PEPD: variants seen among roughly 807,000 people sequenced by gnomAD.
PEPD encodes peptidase D.
A neutral mutation model predicts 60.7 loss-of-function variants in PEPD; 53 were observed. That is an observed-to-expected ratio of 0.87 (90% CI 0.70 to 1.10). The LOEUF (loss-of-function observed/expected upper bound fraction) is 1.10, where lower values mean the gene tolerates loss of function less well. Ranked by LOEUF, PEPD falls within the 50% of genes least tolerant of loss-of-function variation. PEPD has a pLI of 0.00. For synonymous variants in PEPD, 267 were observed against 284.1 expected, an observed-to-expected ratio of 0.94 and a Z score of 0.60; for missense variants, 711 against 711.9, an observed-to-expected ratio of 1.00 and a Z score of 0.01.
chr19:33,498,142 G>A lies in PEPD; in HGVS notation c.393+2796C>T, dbSNP rs1330242998. On this transcript the variant is annotated intron_variant, in intron 4 of 14. Coordinates refer to ENST00000244137, the MANE Select transcript of PEPD (RefSeq NM_000285.4). ...CCCACGTGGGCCGCCCCAGCATGAAGCGCTTGCTCTGCTGTCAACGTGAGC... is the reference window on the plus strand; with the variant it reads ...CCCACGTGGGCCGCCCCAGCATGAAACGCTTGCTCTGCTGTCAACGTGAGC... Among the ~76,000 whole-genome samples the A allele has an allele frequency of 5.9e-5, 9 of 152,226 alleles. No homozygotes were observed. In the East Asian group the frequency reaches 1.2e-3, roughly 20 times the overall value.
At chr19:33,424,996 AC>A (rs1036535447) in intron 9 of PEPD, among the ~76,000 whole-genome samples, 5 of 117,660 alleles carry the variant, frequency 4.2e-5, no homozygotes, top group African/African-American at 1.4e-4. Context: ...AAACAAAAAA[AC>A]AAACAACAAC....
intron 9 of PEPD, among the ~76,000 whole-genome samples, chr19:33,461,699 C>T (rs1307185755): frequency 6.6e-6 from 1 of 152,226 alleles, no homozygotes; most frequent in Non-Finnish European, 1.5e-5. Flanking sequence ...CTGGAGGAGC[C>T]CCACAACACA....
Position 33,387,207 on chromosome 19 carries a change from G to T in PEPD, c.*137C>A. The T allele has an allele frequency of 3.0e-6, 3 of 1,002,500 alleles. No individual in the cohort carries two copies. The highest frequency in any genetic ancestry group is 4.6e-6 in the Non-Finnish European group (3 of 653,230). 62.1% of individuals were successfully genotyped at this position (1,002,500 alleles called of 1,614,324 possible). On this transcript the variant is annotated 3_prime_UTR_variant, in exon 15 of 15. Coordinates refer to ENST00000244137, the MANE Select transcript of PEPD (RefSeq NM_000285.4). ...TCCTCCCCGGGAAACAGCACTGTTT[G>T]GTCTGATCAAATGCCGAAGCTGGGA...
In PEPD at chr19:33,414,033, G is replaced by A. The variant is rs1019106932; in HGVS notation, c.672-390C>T. ...ACATTTCTGCAGAGCTGGAGGAAGT[G>A]ATTCCCTGTGACTCCGTGCCCAGAG... On this transcript the variant is annotated intron_variant, in intron 9 of 14. Coordinates refer to ENST00000244137, the MANE Select transcript of PEPD (RefSeq NM_000285.4). Among the ~76,000 whole-genome samples, 48 of 152,212 alleles carry A rather than the reference G, an allele frequency of 3.2e-4. 1 individual carries two copies. Among genetic ancestry groups the A allele is most frequent in the African/African-American group, 1.1e-3 (46 of 41,458 alleles).
In PEPD at chr19:33,431,148, G is replaced by C. The variant is rs923439174; in HGVS notation, c.672-17505C>G. Among the ~76,000 whole-genome samples the C allele has an allele frequency of 3.6e-5, 5 of 138,274 alleles. No individual in the cohort carries two copies. The Admixed American group carries it at 3.9e-4, about 11-fold the overall frequency. The allele number at this position is 138,274 out of a possible 152,430, so 90.7% of individuals were successfully genotyped here. A position where few individuals can be genotyped will look rare whatever the true frequency, so the allele number is the denominator to read the frequency against. On this transcript the variant is annotated intron_variant, in intron 9 of 14. Transcript: ENST00000244137. Reference sequence around the variant, plus strand: ...GGAGAGAGGAACAGAGAAAGGGAGAGAGGAAGGAAGGAAAGAAGGAAGGAA... The same window carrying C: ...GGAGAGAGGAACAGAGAAAGGGAGACAGGAAGGAAGGAAAGAAGGAAGGAA...
chr19:33,444,863 G>A (rs1013624460), intron 9 of PEPD, among the ~76,000 whole-genome samples: 5 of 152,044 alleles, frequency 3.3e-5, no homozygotes, highest in Admixed American at 1.3e-4. Flanking sequence ...CTCGGCCTCA[G>A]CTCAAGGGTC....
chr19:33,464,772 C>T (rs1969990901), intron 7 of PEPD, among the ~76,000 whole-genome samples: 1 of 152,110 alleles, frequency 6.6e-6, no homozygotes, highest in Admixed American at 6.6e-5. Flanking sequence ...CAGGTCCTCC[C>T]AACAAACTTG....
intron 9 of PEPD, among the ~76,000 whole-genome samples, chr19:33,441,011 G>A (rs112956037): frequency 2.0e-5 from 3 of 152,188 alleles, no homozygotes; most frequent in East Asian, 1.9e-4. Flanking sequence ...GGAGAGGATC[G>A]GGAGACCCAA....
At position 33,431,992 on chromosome 19, in the gene PEPD, C is replaced by CAAAAAA. The variant is rs906879187; in HGVS notation, c.672-18355_672-18350dup. ...TGGGTAACAGAGCAAGACACCACCT[C>CAAAAAA]AAAAAAAAAAAAAAAAAAGGGAAGA... On this transcript the variant is annotated intron_variant, in intron 9 of 14. Transcript: ENST00000244137. Among the ~76,000 whole-genome samples, 88 of 77,844 alleles carry CAAAAAA rather than the reference C, an allele frequency of 1.1e-3. 3 individuals are homozygous for CAAAAAA. The highest frequency in any genetic ancestry group is 3.6e-3 in the African/African-American group (77 of 21,098). The allele number at this position is 77,844 out of a possible 152,430, so 51.1% of individuals were successfully genotyped here. A position where few individuals can be genotyped will look rare whatever the true frequency, so the allele number is the denominator to read the frequency against.
chr19:33,464,200 C>T (rs2145273964), intron 7 of PEPD, 138 bp from the exon 8 acceptor site: 2 of 712,208 alleles, frequency 2.8e-6, no homozygotes, highest in South Asian at 3.0e-5. Flanking sequence ...GTGGGGCCAC[C>T]AAGGCCCAGG....
chr19:33,448,891 G>T (rs34669264), intron 9 of PEPD, among the ~76,000 whole-genome samples: 2 of 152,208 alleles, frequency 1.3e-5, no homozygotes, highest in Non-Finnish European at 2.9e-5. Context: ...CCTATTGCCT[G>T]GGCCAAACGG....
intron 2 of PEPD, among the ~76,000 whole-genome samples, chr19:33,512,229 TCA>T (rs1970940916): frequency 1.3e-5 from 2 of 152,194 alleles, no homozygotes; most frequent in South Asian, 4.1e-4. Flanking sequence ...CCTCTGAGCC[TCA>T]GTTTTCTCAT....
intron 6 of PEPD, among the ~76,000 whole-genome samples, chr19:33,488,135 C>G (rs1172401829): frequency 6.6e-6 from 1 of 152,126 alleles, no homozygotes; most frequent in Non-Finnish European, 1.5e-5. Flanking sequence ...TGAGAAGGCC[C>G]TCGACTCACT....
At chr19:33,492,180 T>C (rs1052353475) in intron 5 of PEPD, among the ~76,000 whole-genome samples, 6 of 152,140 alleles carry the variant, frequency 3.9e-5, no homozygotes, top group African/African-American at 1.4e-4. Flanking sequence ...AGAGAATTCT[T>C]TGGGGGCACA....
intron 6 of PEPD, among the ~76,000 whole-genome samples, chr19:33,488,979 T>A (rs1970447431): frequency 6.6e-6 from 1 of 152,052 alleles, no homozygotes. Context: ...AGGGGCCTTG[T>A]CTGCTATGGC....
At position 33,500,965 on chromosome 19, in the gene PEPD, G is replaced by A. The variant is rs201145610; in HGVS notation, c.366C>T (p.Ala122=). The change falls in exon 4 of 15, where the codon GCC becomes GCT. Residue 122 remains alanine (A), a synonymous_variant. Transcript: ENST00000244137. ...HSKEHFKEKY[A]VDDVQYVDEI... ...CATCTACGTACTGGACGTCGTCCAC[G>A]GCATACTTCTCCTTGAAGTGCTCCT... 83 of 1,605,076 alleles carry A rather than the reference G, an allele frequency of 5.2e-5. No homozygotes were observed. The highest frequency in any genetic ancestry group is 2.0e-4 in the Admixed American group (12 of 60,002).
At chr19:33,414,110 G>A (rs1037994540) in intron 9 of PEPD, among the ~76,000 whole-genome samples, 2 of 152,214 alleles carry the variant, frequency 1.3e-5, no homozygotes, top group African/African-American at 2.4e-5. Flanking sequence ...GCGCTCACCC[G>A]GGGAGAGGGC....
chr19:33,422,348 A>T (rs1421384645), intron 9 of PEPD, among the ~76,000 whole-genome samples: 1 of 151,922 alleles, frequency 6.6e-6, no homozygotes, highest in Admixed American at 6.6e-5. Flanking sequence ...CAATCAATCA[A>T]TCATCTGCCT....
intron 9 of PEPD, among the ~76,000 whole-genome samples, chr19:33,456,720 G>A (rs889603756): frequency 4.6e-5 from 7 of 152,076 alleles, no homozygotes; most frequent in South Asian, 4.2e-4. Context: ...TCTTACCTGG[G>A]GGCTCCGGTC....
Sources: gnomAD v4.1 joint callset for allele counts (sites outside exome capture counted in the v4.1 genomes callset) on GRCh38, gnomAD v4.1.1 for gene constraint, MANE v1.5 for transcripts, NCBI Gene and HGNC (gene_info 2026-07-23, HGNC 2026-07-21) for gene names.